Variants in STRN3 observed in about 807,000 individuals in gnomAD.
The protein encoded by STRN3 is striatin 3.
In STRN3, 29 loss-of-function variants were observed where a neutral mutation model predicts 95.6. The observed-to-expected ratio is 0.30, with a 90% CI of 0.23 to 0.41. STRN3 has a LOEUF of 0.41. STRN3 is among the 10% of genes least tolerant of loss of function. The pLI is 1.00. For missense variants in STRN3, 890 were observed against 972.1 expected (o/e 0.92, Z 1.12); for synonymous variants, 331 against 357.6 (o/e 0.93, Z 0.84).
At chr14:30,924,270 T>C (rs935445988) in intron 8 of STRN3, among the ~76,000 whole-genome samples, 1 of 133,622 alleles carries the variant, frequency 7.5e-6, no homozygotes, top group African/African-American at 2.7e-5. Flanking sequence ...CCAGGTACAA[T>C]GGCTCATGCC....
At chr14:30,985,437 C>G (rs1039379093) in intron 1 of STRN3, among the ~76,000 whole-genome samples, 41 of 152,048 alleles carry the variant, frequency 2.7e-4, no homozygotes, top group African/African-American at 9.7e-4. Flanking sequence ...AACCCCGTCT[C>G]TACTAAAAAT....
At chr14:31,000,335 A>G (rs1882385966) in intron 1 of STRN3, among the ~76,000 whole-genome samples, 1 of 152,156 alleles carries the variant, frequency 6.6e-6, no homozygotes, top group Non-Finnish European at 1.5e-5. Flanking sequence ...TGATGGGTAT[A>G]CAATAGAGGG....
At chr14:30,951,674 A>G (rs373927288) in intron 3 of STRN3, among the ~76,000 whole-genome samples, 3 of 152,370 alleles carry the variant, frequency 2.0e-5, no homozygotes, top group Admixed American at 6.5e-5. Flanking sequence ...TATGGGGTCT[A>G]TATCAGTGGA....
intron 3 of STRN3, among the ~76,000 whole-genome samples, chr14:30,953,677 G>C (rs906098021): frequency 1.4e-4 from 21 of 152,136 alleles, no homozygotes; most frequent in Non-Finnish European, 5.9e-5. Flanking sequence ...TCATCCAAGA[G>C]GGAGTAGAGT....
intron 1 of STRN3, among the ~76,000 whole-genome samples, chr14:30,989,576 T>C (rs1029894832): frequency 5.9e-5 from 9 of 152,160 alleles, no homozygotes; most frequent in Admixed American, 2.6e-4. Context: ...TTCTCCTGCC[T>C]CAGCCTCCCG....
intron 7 of STRN3, among the ~76,000 whole-genome samples, chr14:30,933,280 T>TAAAAAAAA (rs35736582): frequency 8.8e-5 from 2 of 22,770 alleles, no homozygotes; most frequent in African/African-American, 3.0e-4. Context: ...CCCTGTTTCA[T>TAAAAAAAA]AAAAAAAAAA....
At chr14:31,013,568 G>A (rs2139328102) in intron 1 of STRN3, among the ~76,000 whole-genome samples, 1 of 152,038 alleles carries the variant, frequency 6.6e-6, no homozygotes, top group Middle Eastern at 3.4e-3. Context: ...GTGAGTATAA[G>A]ACTTAATTTT....
intron 4 of STRN3, among the ~76,000 whole-genome samples, chr14:30,948,018 G>T (rs751213442): frequency 7.9e-5 from 12 of 152,046 alleles, no homozygotes; most frequent in Non-Finnish European, 1.3e-4. Flanking sequence ...AAAAAGACTA[G>T]ATCAGGACAC....
intron 1 of STRN3, among the ~76,000 whole-genome samples, chr14:30,976,386 A>G (rs1159306988): frequency 6.6e-6 from 1 of 152,226 alleles, no homozygotes; most frequent in East Asian, 1.9e-4. Flanking sequence ...TCAAAATAGG[A>G]GAAGCAAAAA....
rs756363365 is a variant in STRN3 at position 30,911,048 on chromosome 14, A to G, written c.1713T>C (p.Asp571=). The change falls in exon 13 of 18, where the codon GAT becomes GAC. Residue 571 remains aspartate, a synonymous_variant. Transcript: ENST00000357479. The part of the protein sequence containing the change: ...NMPSPSVDPY[D]TYEPNVLAGT... Reference sequence around the variant, plus strand: ...TTTGATCATTTTACTTACCATATGTATCATATGGATCTACACTGGGACTCG... The same window carrying G: ...TTTGATCATTTTACTTACCATATGTGTCATATGGATCTACACTGGGACTCG... 2.3e-5 allele frequency: 37 copies of G among 1,607,724 alleles called. No homozygotes were observed. The Admixed American group carries it at 5.1e-4, about 22-fold the overall frequency.
chr14:30,915,791 T>C (rs902604412), intron 9 of STRN3, among the ~76,000 whole-genome samples: 3 of 152,156 alleles, frequency 2.0e-5, no homozygotes, highest in African/African-American at 7.2e-5. Context: ...AAAAGCCCAA[T>C]AAAATAACTT....
At chr14:30,943,658 TAAAG>T (rs1323106423) in intron 5 of STRN3, among the ~76,000 whole-genome samples, 8 of 151,978 alleles carry the variant, frequency 5.3e-5, no homozygotes, top group African/African-American at 1.9e-4. Flanking sequence ...GGTAAAGAAA[TAAAG>T]AAAATGCAGT....
chr14:30,991,490 G>A (rs1881952315), intron 1 of STRN3, among the ~76,000 whole-genome samples: 1 of 152,156 alleles, frequency 6.6e-6, no homozygotes, highest in Non-Finnish European at 1.5e-5. Flanking sequence ...CATCACATAG[G>A]AGGAATACCT....
chr14:31,025,608 C>T (rs1294204957), intron 1 of STRN3: 3 of 477,926 alleles, frequency 6.3e-6, no homozygotes, highest in Admixed American at 7.2e-5. Context: ...GCCCCGGAGG[C>T]CCGGGAAGGC....
rs1878760872 is a variant in STRN3 at position 30,935,227 on chromosome 14, T to C, written c.924A>G (p.Leu308=). 1 of 1,614,106 alleles carries C rather than the reference T, an allele frequency of 6.2e-7. No individual in the cohort carries two copies. Among genetic ancestry groups the C allele is most frequent in the South Asian group, 1.1e-5 (1 of 91,076 alleles). The change falls in exon 7 of 18, where the codon TTA becomes TTG. Residue 308 remains leucine, a synonymous_variant. Coordinates refer to ENST00000357479, the MANE Select transcript of STRN3 (RefSeq NM_001083893.2). ...CTCCTTCACCATCTTCAGCAGTCACTAAAAAATCAAATTCTTTCAGTGCTT... is the reference window on the plus strand; with the variant it reads ...CTCCTTCACCATCTTCAGCAGTCACCAAAAAATCAAATTCTTTCAGTGCTT... ...TEEALKEFDF[L]VTAEDGEGAG... is the part of the protein sequence containing the mutation.
At chr14:30,975,792 C>T (rs1185049361) in intron 1 of STRN3, among the ~76,000 whole-genome samples, 3 of 147,750 alleles carry the variant, frequency 2.0e-5, no homozygotes, top group African/African-American at 7.5e-5. Flanking sequence ...TATGATGGTG[C>T]CACTGCACTC....
intron 1 of STRN3, among the ~76,000 whole-genome samples, chr14:31,010,292 C>T (rs1290288354): frequency 6.6e-6 from 1 of 151,458 alleles, no homozygotes; most frequent in Non-Finnish European, 1.5e-5. Flanking sequence ...AGGTTAGTTA[C>T]ATATGTATAC....
intron 8 of STRN3, among the ~76,000 whole-genome samples, chr14:30,919,340 C>T (rs571304275): frequency 0.018 from 2,742 of 150,848 alleles, 79 homozygotes; most frequent in African/African-American, 0.062. Flanking sequence ...ATCTATATTA[C>T]ATATATGTCT....
intron 1 of STRN3, among the ~76,000 whole-genome samples, chr14:31,010,534 A>T (rs1045168348): frequency 6.6e-6 from 1 of 151,978 alleles, no homozygotes; most frequent in African/African-American, 2.4e-5. Context: ...TGTTTCCAAT[A>T]ATCCCATCAC....
Sources: allele counts gnomAD v4.1 joint callset (sites outside exome capture counted in the v4.1 genomes callset), GRCh38; gene constraint gnomAD v4.1.1; transcripts MANE v1.5; gene names NCBI Gene and HGNC (gene_info 2026-07-23, HGNC 2026-07-21).